STK32A: variants seen among roughly 807,000 people sequenced by gnomAD.
The protein encoded by STK32A is serine/threonine kinase 32A, also known as serine/threonine-protein kinase 32A.
Under a neutral mutation model 53.2 loss-of-function variants are expected in STK32A, and 41 were observed. That is an observed-to-expected ratio of 0.77 (90% CI 0.60 to 1.00). The LOEUF is 1.00. Among genes scored for constraint, STK32A ranks in the 50% least tolerant of loss-of-function variants. STK32A has a pLI of 0.00. For synonymous variants in STK32A, 166 were observed against 162.8 expected (o/e 1.02, Z -0.15); for missense variants, 458 against 485.8 (o/e 0.94, Z 0.54).
intron 11 of STK32A, chr5:147,375,965 C>A (rs1169857430): frequency 6.6e-6 from 1 of 152,128 alleles, no homozygotes; most frequent in African/African-American, 2.4e-5. Flanking sequence ...TCCATCAATC[C>A]CTGCCTCCCT....
chr5:147,265,083 TTA>T (rs1261112275), intron 2 of STK32A, among the ~76,000 whole-genome samples: 51 of 72,040 alleles, frequency 7.1e-4, no homozygotes, highest in African/African-American at 3.3e-3. Context: ...CATATTCGTT[TTA>T]TATATATGTG....
At chr5:147,260,306 T>TCTCTCTCTCTCTCTCG in intron 2 of STK32A, among the ~76,000 whole-genome samples, 1 of 150,398 alleles carries the variant, frequency 6.6e-6, no homozygotes, top group African/African-American at 2.4e-5. Flanking sequence ...TCTCTCTCTC[T>TCTCTCTCTCTCTCTCG]CTCTCTCTCT....
rs546608211 is a variant in STK32A, at chr5:147,245,896, G to C, written c.52+6210G>C. ...AGCATCTTCAGTGACAGAGGCAATG[G>C]GATCCTTTAAAATGTTGGGCCAAGA... On this transcript the variant is annotated intron_variant, in intron 2 of 12. Coordinates refer to ENST00000397936, the MANE Select transcript of STK32A (RefSeq NM_001112724.2). Among the ~76,000 whole-genome samples the C allele has an allele frequency of 2.6e-5, 4 of 152,228 alleles. No individual in the cohort carries two copies. The East Asian group carries it at 7.7e-4, about 29-fold the overall frequency.
At chr5:147,343,882 A>T (rs548045832) in intron 6 of STK32A, among the ~76,000 whole-genome samples, 1 of 152,370 alleles carries the variant, frequency 6.6e-6, no homozygotes, top group African/African-American at 2.4e-5. Context: ...ATATAGGGAT[A>T]TGGCAATAAT....
intron 1 of STK32A, among the ~76,000 whole-genome samples, chr5:147,236,246 C>T (rs1020469561): frequency 6.6e-5 from 10 of 152,146 alleles, no homozygotes; most frequent in African/African-American, 1.9e-4. Context: ...ATCTGATAAT[C>T]GGCCAGGTCA....
chr5:147,236,557 C>T (rs146697988), intron 1 of STK32A, among the ~76,000 whole-genome samples: 62 of 152,226 alleles, frequency 4.1e-4, no homozygotes, highest in African/African-American at 1.4e-3. Flanking sequence ...ATTTGGTTAT[C>T]CACATGGGAG....
chr5:147,361,874 G>A (rs1290974822), intron 8 of STK32A, among the ~76,000 whole-genome samples: 2 of 152,176 alleles, frequency 1.3e-5, no homozygotes, highest in Admixed American at 6.5e-5. Flanking sequence ...TCCCAAAGAG[G>A]GGAAATCAAT....
At chr5:147,286,163 G>A (rs530966294) in intron 4 of STK32A, among the ~76,000 whole-genome samples, 8 of 152,016 alleles carry the variant, frequency 5.3e-5, no homozygotes, top group Non-Finnish European at 8.8e-5. Context: ...TCTAAGTGAC[G>A]TAATTCAGGA....
chr5:147,262,894 C>T (rs1155945), intron 2 of STK32A, among the ~76,000 whole-genome samples: 119,146 of 152,076 alleles, frequency 0.78, 47,138 homozygotes, highest in African/African-American at 0.87. Context: ...GGCACTGTCA[C>T]GTGCCTCTAG....
intron 2 of STK32A, among the ~76,000 whole-genome samples, chr5:147,249,137 T>C (rs1313901353): frequency 6.7e-6 from 1 of 149,092 alleles, no homozygotes; most frequent in Admixed American, 6.9e-5. Context: ...ATTAAACCTA[T>C]TAAAATTTAA....
chr5:147,296,617 C>T (rs749810005), intron 4 of STK32A, among the ~76,000 whole-genome samples: 31 of 152,210 alleles, frequency 2.0e-4, no homozygotes, highest in Non-Finnish European at 3.4e-4. Context: ...TGAGCCTACT[C>T]GCCCACCTCC....
chr5:147,241,087 A>G (rs1753551209), intron 2 of STK32A, among the ~76,000 whole-genome samples: 1 of 152,222 alleles, frequency 6.6e-6, no homozygotes, highest in Non-Finnish European at 1.5e-5. Context: ...ACAAAAGAAA[A>G]GAAGAATTAG....
chr5:147,366,486 T>A (rs1450600678), intron 8 of STK32A, among the ~76,000 whole-genome samples: 1 of 152,230 alleles, frequency 6.6e-6, no homozygotes, highest in African/African-American at 2.4e-5. Context: ...GATCTCTTTA[T>A]ATTCAAATTC....
intron 4 of STK32A, among the ~76,000 whole-genome samples, chr5:147,308,691 A>G (rs1581070903): frequency 6.6e-6 from 1 of 151,378 alleles, no homozygotes; most frequent in South Asian, 2.1e-4. Flanking sequence ...CTTTATCACA[A>G]TAAGAAAGTT....
At chr5:147,308,548 C>A (rs959193364) in intron 4 of STK32A, among the ~76,000 whole-genome samples, 1 of 152,138 alleles carries the variant, frequency 6.6e-6, no homozygotes, top group Non-Finnish European at 1.5e-5. Flanking sequence ...GCATATTGCA[C>A]ATGCATTGAG....
intron 6 of STK32A, among the ~76,000 whole-genome samples, chr5:147,347,628 G>A (rs938335617): frequency 1.3e-5 from 2 of 152,176 alleles, no homozygotes; most frequent in Non-Finnish European, 2.9e-5. Flanking sequence ...ATGGTGCTGA[G>A]GTTGAGAAAC....
chr5:147,302,697 A>G (rs1395906496), intron 4 of STK32A, among the ~76,000 whole-genome samples: 1 of 152,164 alleles, frequency 6.6e-6, no homozygotes. Context: ...AATAAGAACA[A>G]TGAGGAAGAG....
chr5:147,258,955 G>T (rs1438690912), intron 2 of STK32A, among the ~76,000 whole-genome samples: 2 of 151,956 alleles, frequency 1.3e-5, no homozygotes, highest in African/African-American at 2.4e-5. Context: ...GTACTTTAAG[G>T]CTTGGCTGAG....
the STK32A span, chr5:147,400,941 T>A: frequency 2.2e-6 from 3 of 1,395,244 alleles, no homozygotes; most frequent in Non-Finnish European, 2.9e-6. Flanking sequence ...CTATTTGGGT[T>A]TGGAATGCCT....
Sources: gnomAD v4.1 joint callset for allele counts (sites outside exome capture counted in the v4.1 genomes callset) on GRCh38, gnomAD v4.1.1 for gene constraint, MANE v1.5 for transcripts, NCBI Gene and HGNC (gene_info 2026-07-23, HGNC 2026-07-21) for gene names.